GALNS: variants seen among roughly 807,000 people sequenced by gnomAD.
GALNS encodes the protein N-acetylgalactosamine-6-sulfatase.
In GALNS, 65 loss-of-function variants were observed where a neutral mutation model predicts 65.9. That is an observed-to-expected ratio of 0.99 (90% CI 0.81 to 1.21). The LOEUF is 1.21. GALNS is among the 50% of genes most tolerant of loss of function. The pLI is 0.00. For missense variants in GALNS, 776 were observed against 700.7 expected (o/e 1.11, Z -1.21); for synonymous variants, 346 against 288.9 (o/e 1.20, Z -2.00).
chr16:88,855,986 A>C, intron 1 of GALNS: 1 of 592,464 alleles, frequency 1.7e-6, no homozygotes, highest in Non-Finnish European at 3.0e-6. Context: ...CAAGAATGGA[A>C]GTGACCCCCA....
chr16:88,851,786 A>C (rs1967520446), intron 1 of GALNS, among the ~76,000 whole-genome samples: 1 of 152,220 alleles, frequency 6.6e-6, no homozygotes, highest in South Asian at 2.1e-4. Flanking sequence ...TCCACCTGCG[A>C]GGTGGCAGCC....
intron 1 of GALNS, chr16:88,855,148 T>G: frequency 1.7e-6 from 1 of 603,572 alleles, no homozygotes; most frequent in Non-Finnish European, 3.0e-6. Context: ...CTTTATATTT[T>G]ATTTAACCCA....
At chr16:88,825,232 G>A (rs1357399766) in intron 10 of GALNS, among the ~76,000 whole-genome samples, 5 of 125,428 alleles carry the variant, frequency 4.0e-5, no homozygotes, top group East Asian at 2.1e-4. Flanking sequence ...GGGTGTCTGG[G>A]GCTGGGGTGT....
chr16:88,855,685 A>C, intron 1 of GALNS: 1 of 595,566 alleles, frequency 1.7e-6, no homozygotes, highest in South Asian at 2.1e-5. Context: ...GATATTTTAC[A>C]TTATTTTTCT....
At chr16:88,856,329 C>A (rs1461048396) in intron 1 of GALNS, 1 of 702,526 alleles carries the variant, frequency 1.4e-6, no homozygotes, top group East Asian at 2.7e-5. Context: ...TCAGGCAGGG[C>A]GGCAGGAGCA....
chr16:88,824,965 C>A, intron 10 of GALNS, 96 bp from the exon 11 acceptor site: 1 of 927,664 alleles, frequency 1.1e-6, no homozygotes. Flanking sequence ...TGGCTCATGC[C>A]TCCACGTGAG....
chr16:88,815,457 C>G, intron 13 of GALNS: 1 of 985,480 alleles, frequency 1.0e-6, no homozygotes, highest in Non-Finnish European at 1.2e-6. Flanking sequence ...GCCCGCACCC[C>G]TCCATCGCCT....
At chr16:88,823,027 T>C (rs1380477258) in intron 11 of GALNS, among the ~76,000 whole-genome samples, 1 of 152,210 alleles carries the variant, frequency 6.6e-6, no homozygotes, top group African/African-American at 2.4e-5. Flanking sequence ...CCTGTTTTCA[T>C]GTACCCCTCT....
At chr16:88,837,302 C>T (rs534395779) in intron 5 of GALNS, among the ~76,000 whole-genome samples, 4 of 152,284 alleles carry the variant, frequency 2.6e-5, no homozygotes, top group African/African-American at 7.2e-5. Flanking sequence ...CCTCCCCACC[C>T]GTAGACCACA....
At chr16:88,825,306 CGGGGCG>C (rs1910741672) in intron 10 of GALNS, among the ~76,000 whole-genome samples, 1 of 53,530 alleles carries the variant, frequency 1.9e-5, no homozygotes. Context: ...CCTGGGTGGC[CGGGGCG>C]ACTGGGTATC....
At position 88,826,983 on chromosome 16, in the gene GALNS, A is replaced by C. The variant is rs974375515; in HGVS notation, c.1003-145T>G. On this transcript the variant is annotated intron_variant, in intron 9 of 13. Transcript: ENST00000268695. ...GCTCACACGCCCACAGCAGGGACTG[A>C]GCGGGGTCACAAGGCCTGTGAGAGA... 1.4e-5 allele frequency: 14 copies of C among 1,012,396 alleles called. No individual in the cohort carries two copies. In the African/African-American group the frequency reaches 2.2e-4, roughly 16 times the overall value. 62.7% of individuals were successfully genotyped at this position (1,012,396 alleles called of 1,614,324 possible).
At chr16:88,837,531 G>A (rs1454796239) in intron 5 of GALNS, 91 bp downstream of exon 5, 11 of 1,376,664 alleles carry the variant, frequency 8.0e-6, no homozygotes, top group South Asian at 4.7e-5. Flanking sequence ...CATGAGTGGC[G>A]ACTTGAGCCC....
chr16:88,854,301 G>A (rs1967656107), intron 1 of GALNS, among the ~76,000 whole-genome samples: 1 of 152,196 alleles, frequency 6.6e-6, no homozygotes, highest in African/African-American at 2.4e-5. Flanking sequence ...TGTGGACAGG[G>A]CTGCGGAGGA....
intron 5 of GALNS, among the ~76,000 whole-genome samples, chr16:88,836,662 A>G (rs1462049307): frequency 2.6e-5 from 4 of 152,060 alleles, no homozygotes; most frequent in Non-Finnish European, 5.9e-5. Flanking sequence ...TCAAGAAAAA[A>G]AAAAAAAAGG....
At chr16:88,839,878 CAG>C (rs1966886229) in intron 4 of GALNS, among the ~76,000 whole-genome samples, 1 of 152,254 alleles carries the variant, frequency 6.6e-6, no homozygotes, top group South Asian at 2.1e-4. Context: ...GGGCCCAAGA[CAG>C]AGCTGCCAGG....
chr16:88,855,822 A>T, intron 1 of GALNS: 1 of 505,074 alleles, frequency 2.0e-6, no homozygotes, highest in South Asian at 2.3e-5. Flanking sequence ...GTCTGAAGGC[A>T]CCTGTCAGGG....
At chr16:88,852,596 G>A (rs567031259) in intron 1 of GALNS, among the ~76,000 whole-genome samples, 5 of 152,308 alleles carry the variant, frequency 3.3e-5, no homozygotes, top group African/African-American at 1.2e-4. Context: ...CCGAACTAGA[G>A]GAAGATGTTT....
At chr16:88,842,540 G>A (rs753442058) in intron 2 of GALNS, 166 bp downstream of exon 2, 44 of 823,074 alleles carry the variant, frequency 5.3e-5, no homozygotes, top group Admixed American at 4.9e-4. Context: ...GCACGGAGCC[G>A]GGCTGGGATT....
intron 3 of GALNS, among the ~76,000 whole-genome samples, chr16:88,841,447 A>G (rs1407386306): frequency 6.6e-6 from 1 of 151,786 alleles, no homozygotes; most frequent in African/African-American, 2.4e-5. Flanking sequence ...GTGATGCTGC[A>G]CTGCCCCACC....
Sources: gnomAD v4.1 joint callset for allele counts (sites outside exome capture counted in the v4.1 genomes callset) on GRCh38, gnomAD v4.1.1 for gene constraint, MANE v1.5 for transcripts, NCBI Gene and HGNC (gene_info 2026-07-23, HGNC 2026-07-21) for gene names.